The following SYCP1 variants were observed in gnomAD, a reference collection of about 807,000 sequenced individuals.
SYCP1 encodes the protein cancer/testis antigen 8.
Under a neutral mutation model 153.1 loss-of-function variants are expected in SYCP1, and 64 were observed. The ratio of observed to expected loss-of-function variants is 0.42; its 90% CI spans 0.34 to 0.51. The LOEUF (loss-of-function observed/expected upper bound fraction) is 0.51. SYCP1 is among the 20% of genes least tolerant of loss of function. The pLI, the probability that SYCP1 is intolerant of heterozygous loss-of-function variation, is 0.06. For synonymous variants in SYCP1, 384 were observed against 341.8 expected (o/e 1.12, Z -1.36); for missense variants, 997 against 1,049.0 (o/e 0.95, Z 0.68).
intron 30 of SYCP1, among the ~76,000 whole-genome samples, chr1:114,988,655 T>C (rs1673701207): frequency 6.6e-6 from 1 of 151,926 alleles, no homozygotes; most frequent in Non-Finnish European, 1.5e-5. Context: ...CTTCAAAAAG[T>C]ACTAAAGGGA....
At chr1:114,895,390 C>T (rs1557778991) in intron 15 of SYCP1, 58 bp from the exon 16 acceptor site, 2 of 1,163,684 alleles carry the variant, frequency 1.7e-6, no homozygotes, top group Non-Finnish European at 1.2e-6. Flanking sequence ...TTCCTTCTGT[C>T]TCTTTTCCTA....
chr1:114,981,886 G>A (rs1214874568), intron 29 of SYCP1, among the ~76,000 whole-genome samples: 1 of 152,042 alleles, frequency 6.6e-6, no homozygotes, highest in East Asian at 1.9e-4. Flanking sequence ...CCCTGACACA[G>A]GAAATCTGAT....
Position 114,868,245 on chromosome 1 carries a change from C to A in SYCP1, c.599-6261C>A, listed in dbSNP as rs552894892. 5.9e-5 allele frequency among the ~76,000 whole-genome samples: 9 copies of A among 151,738 alleles called. No homozygotes were observed. In the South Asian group the frequency reaches 1.9e-3, roughly 32 times the overall value. On this transcript the variant is annotated intron_variant, in intron 8 of 31. Coordinates refer to ENST00000369522, the MANE Select transcript of SYCP1 (RefSeq NM_003176.4). ...CCTTGAACTCCTGGGCTTAAGTGAT[C>A]CTCCTGCCTCAGCCTCCTCAGTGGC... is the stretch of plus-strand genomic sequence containing the variant.
At chr1:114,981,188 A>T (rs375778623) in intron 28 of SYCP1, 148 bp from the exon 29 acceptor site, 2 of 582,430 alleles carry the variant, frequency 3.4e-6, no homozygotes, top group African/African-American at 3.9e-5. Context: ...ACTGTAACTT[A>T]TTCAAACTTA....
At position 114,886,176 on chromosome 1, in the gene SYCP1, T is replaced by C; in HGVS notation, c.1057T>C (p.Cys353Arg). ...EDLQIATKTI[C>R]QLTEEKETQM... ...TTTACAGATAGCAACAAAAACAATT[T>C]GTCAGCTAACTGAAGAAAAAGAAAC... is the stretch of plus-strand genomic sequence containing the variant. The change falls in exon 14 of 32, where the codon TGT becomes CGT. Residue 353 changes from cysteine (C) to arginine (R), a missense_variant. This residue lies in a region of SYCP1 where 712 missense variants were observed against 682.9 expected (regional missense o/e 1.04). Transcript: ENST00000369522. 1.2e-6 allele frequency: 2 copies of C among 1,611,412 alleles called. No homozygotes were observed. The highest frequency in any genetic ancestry group is 4.5e-5 in the East Asian group (2 of 44,756).
chr1:114,933,132 G>A (rs924279397), intron 23 of SYCP1, among the ~76,000 whole-genome samples: 9 of 152,166 alleles, frequency 5.9e-5, no homozygotes, highest in Non-Finnish European at 8.8e-5. Flanking sequence ...TAGCCTAACT[G>A]GGAGGCACCT....
chr1:114,940,212 C>T (rs1670297936), intron 23 of SYCP1, among the ~76,000 whole-genome samples: 1 of 152,094 alleles, frequency 6.6e-6, no homozygotes, highest in Non-Finnish European at 1.5e-5. Context: ...ACTCTCATGC[C>T]TCAGCTTCCT....
intron 2 of SYCP1, 33 bp downstream of exon 2, chr1:114,855,605 TCTTAA>T: frequency 6.7e-7 from 1 of 1,496,590 alleles, no homozygotes. Context: ...ATTGGACTCT[TCTTAA>T]CTTTAGGGAA....
intron 20 of SYCP1, among the ~76,000 whole-genome samples, chr1:114,917,371 T>C (rs1668573022): frequency 6.6e-6 from 1 of 152,170 alleles, no homozygotes; most frequent in African/African-American, 2.4e-5. Flanking sequence ...ATGCATCACA[T>C]TTTTGTTATC....
chr1:114,856,617 A>G lies in SYCP1; in HGVS notation c.153A>G (p.Ala51=). 6.2e-7 allele frequency: 1 copy of G among 1,612,368 alleles called. No individual in the cohort carries two copies. Among genetic ancestry groups the G allele is most frequent in the Non-Finnish European group, 8.5e-7 (1 of 1,179,324 alleles). ...AAGATGATTTTGAGTTTCCATTTGC[A>G]AAGACTAATCTCTCCAAAAATGGGG... ...CTEDDFEFPF[A]KTNLSKNGEN... is the part of the protein sequence containing the mutation. Residue 51 remains alanine (A), a synonymous_variant, in exon 3 of 32, where the codon GCA becomes GCG. Transcript: ENST00000369522.
intron 23 of SYCP1, among the ~76,000 whole-genome samples, chr1:114,931,920 T>C (rs1277211294): frequency 6.6e-6 from 1 of 152,154 alleles, no homozygotes; most frequent in Non-Finnish European, 1.5e-5. Context: ...ATGTACAGAC[T>C]GTTAATTTTC....
At chr1:114,915,744 A>G (rs185364045) in intron 20 of SYCP1, among the ~76,000 whole-genome samples, 2 of 152,314 alleles carry the variant, frequency 1.3e-5, no homozygotes, top group Admixed American at 6.5e-5. Flanking sequence ...AGCATGCTTG[A>G]TGAGAGAAAG....
At chr1:114,922,006 A>G (rs969374953) in intron 20 of SYCP1, among the ~76,000 whole-genome samples, 3 of 152,292 alleles carry the variant, frequency 2.0e-5, no homozygotes, top group African/African-American at 7.2e-5. Flanking sequence ...GTCTGCTGCC[A>G]GACATACTAT....
At chr1:114,872,018 T>C (rs1665179225) in intron 8 of SYCP1, among the ~76,000 whole-genome samples, 1 of 150,408 alleles carries the variant, frequency 6.6e-6, no homozygotes, top group Non-Finnish European at 1.5e-5. Context: ...TTTTTTTTTT[T>C]TTTGGCAGAG....
intron 23 of SYCP1, among the ~76,000 whole-genome samples, chr1:114,927,633 T>C (rs947762070): frequency 1.3e-5 from 2 of 152,042 alleles, no homozygotes; most frequent in African/African-American, 2.4e-5. Context: ...AATAGTAGAT[T>C]GAATACAAAT....
chr1:114,930,263 A>G (rs1669536008), intron 23 of SYCP1, among the ~76,000 whole-genome samples: 1 of 152,036 alleles, frequency 6.6e-6, no homozygotes, highest in South Asian at 2.1e-4. Flanking sequence ...GTTTTTATCT[A>G]GAAACTAAAA....
chr1:114,983,665 G>A (rs1673314417), intron 29 of SYCP1, among the ~76,000 whole-genome samples: 1 of 151,926 alleles, frequency 6.6e-6, no homozygotes, highest in Non-Finnish European at 1.5e-5. Flanking sequence ...GGATGGGACT[G>A]GGGAAGTTAA....
At chr1:114,867,312 G>A (rs1367739357) in intron 8 of SYCP1, among the ~76,000 whole-genome samples, 1 of 151,888 alleles carries the variant, frequency 6.6e-6, no homozygotes, top group Non-Finnish European at 1.5e-5. Context: ...ATTTTTATTG[G>A]GATTGCATTG....
chr1:114,991,670 T>C (rs1334751680), intron 30 of SYCP1, among the ~76,000 whole-genome samples: 2 of 151,712 alleles, frequency 1.3e-5, no homozygotes, highest in Admixed American at 1.3e-4. Flanking sequence ...TGATAAAGGG[T>C]ATTTATGGAA....
Sources: allele counts gnomAD v4.1 joint callset (sites outside exome capture counted in the v4.1 genomes callset), GRCh38; gene constraint gnomAD v4.1.1; regional missense constraint gnomAD v4.1.1; transcripts MANE v1.5; gene names NCBI Gene and HGNC (gene_info 2026-07-23, HGNC 2026-07-21).